Variants in ARHGAP32 observed in about 807,000 individuals in gnomAD.
ARHGAP32 encodes Rho GTPase activating protein 32, also known as rho GTPase-activating protein 32.
In ARHGAP32, 51 loss-of-function variants were observed where a neutral mutation model predicts 186.5. The observed-to-expected ratio is 0.27, with a 90% CI of 0.22 to 0.35. ARHGAP32 has a LOEUF of 0.35. Ranked by LOEUF, ARHGAP32 falls within the 10% of genes least tolerant of loss-of-function variation. ARHGAP32 has a pLI of 1.00. For synonymous variants in ARHGAP32, 950 were observed against 964.3 expected (o/e 0.99, Z 0.27); for missense variants, 2,186 against 2,623.5 (o/e 0.83, Z 3.64).
chr11:129,097,332 A>C (rs1941760003), intron 5 of ARHGAP32, among the ~76,000 whole-genome samples: 1 of 152,132 alleles, frequency 6.6e-6, no homozygotes, highest in Admixed American at 6.5e-5. Context: ...AATAGAAATA[A>C]AAAACTGTTT....
At chr11:129,162,659 T>A (rs1351875314) in intron 2 of ARHGAP32, among the ~76,000 whole-genome samples, 2 of 152,222 alleles carry the variant, frequency 1.3e-5, no homozygotes, top group African/African-American at 2.4e-5. Flanking sequence ...GATATACATA[T>A]TTTTGACATT....
At chr11:129,200,717 C>T (rs1229577342) in intron 1 of ARHGAP32, among the ~76,000 whole-genome samples, 2 of 151,992 alleles carry the variant, frequency 1.3e-5, no homozygotes, top group African/African-American at 4.8e-5. Context: ...AAAATAATAC[C>T]TTTATGATGT....
At chr11:129,200,638 A>G (rs2135574802) in intron 1 of ARHGAP32, among the ~76,000 whole-genome samples, 1 of 152,370 alleles carries the variant, frequency 6.6e-6, no homozygotes, top group East Asian at 1.9e-4. Context: ...CTTTATCAGC[A>G]GCATGAAAAT....
chr11:129,137,587 G>A lies in ARHGAP32; in HGVS notation c.226-12693C>T, dbSNP rs558249454. 3.9e-3 allele frequency among the ~76,000 whole-genome samples: 586 copies of A among 152,042 alleles called. 2 individuals are homozygous for A. The highest frequency in any genetic ancestry group is 0.013 in the African/African-American group (550 of 41,522). On this transcript the variant is annotated intron_variant, in intron 2 of 22. Coordinates refer to ENST00000682385, the MANE Select transcript of ARHGAP32 (RefSeq NM_001378024.1). ...ACTGTTTGGGAATAGTGACATTATC[G>A]TTCTGAAACTATTAAAAGAAGACGA...
At chr11:129,033,320 A>G (rs1255124245) in intron 11 of ARHGAP32, among the ~76,000 whole-genome samples, 2 of 152,216 alleles carry the variant, frequency 1.3e-5, no homozygotes, top group Admixed American at 6.5e-5. Flanking sequence ...TTGTGTATCA[A>G]CTTCAATAGA....
chr11:129,039,055 A>C (rs941448837), intron 11 of ARHGAP32, among the ~76,000 whole-genome samples: 1 of 152,194 alleles, frequency 6.6e-6, no homozygotes, highest in Non-Finnish European at 1.5e-5. Context: ...CTACTTCACA[A>C]TTAAGAAGGC....
chr11:129,125,460 A>G (rs1172503882), intron 2 of ARHGAP32, among the ~76,000 whole-genome samples: 1 of 152,110 alleles, frequency 6.6e-6, no homozygotes, highest in Non-Finnish European at 1.5e-5. Context: ...GACAAAATAA[A>G]AGTCAAGTCC....
chr11:129,194,167 C>A (rs1202643642), upstream of ARHGAP32, among the ~76,000 whole-genome samples: 1 of 152,076 alleles, frequency 6.6e-6, no homozygotes, highest in Non-Finnish European at 1.5e-5. Flanking sequence ...ACTGGTACAA[C>A]CTGTGTTCAG....
chr11:129,034,945 A>G (rs1204205440), intron 11 of ARHGAP32, among the ~76,000 whole-genome samples: 1 of 152,124 alleles, frequency 6.6e-6, no homozygotes, highest in East Asian at 1.9e-4. Flanking sequence ...GAGAATTCGG[A>G]AAAAGAAATA....
intron 1 of ARHGAP32, among the ~76,000 whole-genome samples, chr11:129,248,360 T>C (rs1945132365): frequency 6.6e-6 from 1 of 152,200 alleles, no homozygotes; most frequent in Non-Finnish European, 1.5e-5. Flanking sequence ...AATGACTTCC[T>C]TGCGATGCGA....
Position 129,047,806 on chromosome 11 carries a change from C to T in ARHGAP32, c.964-6797G>A, listed in dbSNP as rs1407569013. Reference sequence around the variant, plus strand: ...ATCCCAGCACAGTTGATCAAATAGACGGTAAGTCAATGAGTCAATTAGTTT... The same window carrying T: ...ATCCCAGCACAGTTGATCAAATAGATGGTAAGTCAATGAGTCAATTAGTTT... On this transcript the variant is annotated intron_variant, in intron 10 of 22. Transcript: ENST00000682385. Among the ~76,000 whole-genome samples the T allele has an allele frequency of 3.9e-5, 6 of 152,120 alleles. No homozygotes were observed. In the East Asian group the frequency reaches 9.6e-4, roughly 24 times the overall value.
intron 15 of ARHGAP32, among the ~76,000 whole-genome samples, chr11:128,985,605 G>A (rs1945840477): frequency 6.6e-6 from 1 of 151,738 alleles, no homozygotes; most frequent in Admixed American, 6.6e-5. Flanking sequence ...GTTTTAAAAT[G>A]TAGCAACAAC....
chr11:129,167,157 TAAA>T (rs1379781255), intron 1 of ARHGAP32, among the ~76,000 whole-genome samples: 1 of 151,674 alleles, frequency 6.6e-6, no homozygotes, highest in African/African-American at 2.4e-5. Context: ...ACAAGGCAAA[TAAA>T]AACAAATATT....
chr11:129,269,022 G>A (rs1318448945), intron 1 of ARHGAP32, among the ~76,000 whole-genome samples: 1 of 152,142 alleles, frequency 6.6e-6, no homozygotes, highest in East Asian at 1.9e-4. Flanking sequence ...TATAATCCCA[G>A]AGCTTTGGAA....
intron 1 of ARHGAP32, among the ~76,000 whole-genome samples, chr11:129,189,182 G>C (rs1242368109): frequency 6.6e-6 from 1 of 152,114 alleles, no homozygotes; most frequent in African/African-American, 2.4e-5. Context: ...GCAGAAAATA[G>C]CATTTAGCAG....
intron 1 of ARHGAP32, among the ~76,000 whole-genome samples, chr11:129,247,247 G>T (rs11821213): frequency 0.2 from 30,527 of 151,930 alleles, 3,175 homozygotes; most frequent in East Asian, 0.28. Flanking sequence ...CATGCTAAAA[G>T]TATAAATGAT....
chr11:129,181,607 C>A (rs1195473826), intron 1 of ARHGAP32, among the ~76,000 whole-genome samples: 1 of 152,110 alleles, frequency 6.6e-6, no homozygotes, highest in Non-Finnish European at 1.5e-5. Flanking sequence ...TAATCACTTA[C>A]ATAAATCTAA....
chr11:129,071,357 T>G (rs1390837837), intron 6 of ARHGAP32, among the ~76,000 whole-genome samples: 1 of 151,100 alleles, frequency 6.6e-6, no homozygotes. Context: ...CAAAGAACTC[T>G]ACAGAAAAAA....
At chr11:129,129,493 T>G (rs1195616784) in intron 2 of ARHGAP32, among the ~76,000 whole-genome samples, 1 of 152,038 alleles carries the variant, frequency 6.6e-6, no homozygotes, top group Non-Finnish European at 1.5e-5. Context: ...GTCTGGGAAG[T>G]GAGGAGCCCC....
Sources: allele counts gnomAD v4.1 joint callset (sites outside exome capture counted in the v4.1 genomes callset), GRCh38; gene constraint gnomAD v4.1.1; transcripts MANE v1.5; gene names NCBI Gene and HGNC (gene_info 2026-07-23, HGNC 2026-07-21).